SYCP2: variants seen among roughly 807,000 people sequenced by gnomAD.
SYCP2 encodes synaptonemal complex lateral element protein.
Under a neutral mutation model 211.3 loss-of-function variants are expected in SYCP2, and 55 were observed. The ratio of observed to expected loss-of-function variants is 0.26; its 90% CI spans 0.21 to 0.33. SYCP2 has a LOEUF of 0.33. Among genes scored for constraint, SYCP2 ranks in the 10% least tolerant of loss-of-function variants. The pLI, the probability that SYCP2 is intolerant of heterozygous loss-of-function variation, is 1.00. For missense variants in SYCP2, 1,731 were observed against 1,752.0 expected, an observed-to-expected ratio of 0.99 and a Z score of 0.21; for synonymous variants, 570 against 555.2, an observed-to-expected ratio of 1.03 and a Z score of -0.37.
chr20:59,869,738 G>C lies in SYCP2; in HGVS notation c.3741+60C>G, dbSNP rs923069779. 3.2e-6 allele frequency: 3 copies of C among 927,932 alleles called. No individual in the cohort carries two copies. The East Asian group carries it at 7.4e-5, about 23-fold the overall frequency. 57.5% of individuals were successfully genotyped at this position (927,932 alleles called of 1,614,324 possible). A position where few individuals can be genotyped will look rare whatever the true frequency, so the allele number is the denominator to read the frequency against. ...AATTACCACTAAAGGTCAGTAATCT[G>C]AGTCTTATAAGAACCATCTTAGTGT... On this transcript the variant is annotated intron_variant, in intron 36 of 44. Transcript: ENST00000357552.
intron 24 of SYCP2, among the ~76,000 whole-genome samples, chr20:59,887,395 C>T (rs1240083990): frequency 6.6e-6 from 1 of 152,120 alleles, no homozygotes; most frequent in African/African-American, 2.4e-5. Context: ...TCCAGTCTAT[C>T]ATTGAGGGAC....
intron 10 of SYCP2, among the ~76,000 whole-genome samples, chr20:59,914,689 AAAAT>A (rs150861326): frequency 0.034 from 5,210 of 152,060 alleles, 250 homozygotes; most frequent in African/African-American, 0.11. Flanking sequence ...AAAAGCTTAG[AAAAT>A]AAATTTTAAG....
Position 59,864,166 on chromosome 20 carries a change from C to T in SYCP2, c.*145G>A. On this transcript the variant is annotated 3_prime_UTR_variant, in exon 45 of 45. Coordinates refer to ENST00000357552, the MANE Select transcript of SYCP2 (RefSeq NM_014258.4). ...TGGTTCCCTCTCATCCATTAAAAGA[C>T]ATTTTTTTTTAATTTGAGGGTTCCT... 1.9e-6 allele frequency: 1 copy of T among 516,168 alleles called. No individual in the cohort carries two copies. Among genetic ancestry groups the T allele is most frequent in the East Asian group, 3.3e-5 (1 of 30,258 alleles). The allele number at this position is 516,168 out of a possible 1,614,324, so 32.0% of individuals were successfully genotyped here.
rs774376651 is a variant in SYCP2 at position 59,895,422 on chromosome 20, T to C, written c.1665+15A>G. ...TTGAAAAAATATTTTTAAAATACTT[T>C]CAAGGTAAAGTTACTTTGTCTATAT... On this transcript the variant is annotated intron_variant, in intron 20 of 44. Coordinates refer to ENST00000357552, the MANE Select transcript of SYCP2 (RefSeq NM_014258.4). The C allele has an allele frequency of 3.2e-6, 5 of 1,573,336 alleles. No homozygotes were observed. The highest frequency in any genetic ancestry group is 4.3e-6 in the Non-Finnish European group (5 of 1,161,686).
Position 59,881,480 on chromosome 20 carries a change from G to C in SYCP2, c.2671C>G (p.Gln891Glu), listed in dbSNP as rs1423819117. Residue 891 changes from glutamine to glutamate, a missense_variant, in exon 29 of 45, where the codon CAA (glutamine) becomes GAA (glutamate). This residue lies in a region of SYCP2 where 1,387 missense variants were observed against 1,351.3 expected (regional missense o/e 1.03). Coordinates refer to ENST00000357552, the MANE Select transcript of SYCP2 (RefSeq NM_014258.4). ...GCACAAGCTTCTTTAGCTGTAGCTT[G>C]AAACTCTTGGATCTATATTGTAAAT... The part of the protein sequence containing the change: ...PIIKLGIQEF[Q>E]ATAKEACADR... 2 of 1,525,984 alleles carry C rather than the reference G, an allele frequency of 1.3e-6. No homozygotes were observed. Among genetic ancestry groups the C allele is most frequent in the Non-Finnish European group, 1.8e-6 (2 of 1,126,612 alleles). The allele number at this position is 1,525,984 out of a possible 1,614,324, so 94.5% of individuals were successfully genotyped here.
At chr20:59,877,978 G>C (rs1311093018) in intron 32 of SYCP2, 30 bp downstream of exon 32, 2 of 1,536,248 alleles carry the variant, frequency 1.3e-6, no homozygotes, top group Admixed American at 3.7e-5. Flanking sequence ...AATTTTAAAG[G>C]GATGTTTGAA....
chr20:59,868,298 T>C (rs1357299721), intron 38 of SYCP2, 115 bp downstream of exon 38: 8 of 1,052,528 alleles, frequency 7.6e-6, no homozygotes, highest in Non-Finnish European at 1.1e-5. Flanking sequence ...GCATCATCCA[T>C]CTTGGACATA....
intron 25 of SYCP2, among the ~76,000 whole-genome samples, chr20:59,886,176 A>C (rs1013603894): frequency 2.6e-5 from 4 of 152,082 alleles, no homozygotes; most frequent in Non-Finnish European, 4.4e-5. Flanking sequence ...AATGCAGCAG[A>C]AAGTGTGAAT....
At chr20:59,915,756 G>A in intron 8 of SYCP2, 2 of 341,086 alleles carry the variant, frequency 5.9e-6, no homozygotes, top group Non-Finnish European at 5.3e-6. Flanking sequence ...CACTTTGGGA[G>A]GCCAAGGCGG....
At chr20:59,873,808 T>C in intron 35 of SYCP2, 48 bp downstream of exon 35, 2 of 1,437,234 alleles carry the variant, frequency 1.4e-6, no homozygotes, top group Non-Finnish European at 9.4e-7. Context: ...AATAACTTAC[T>C]ACCTTCAGAT....
chr20:59,893,853 G>A (rs1423562213), intron 20 of SYCP2, among the ~76,000 whole-genome samples: 1 of 151,954 alleles, frequency 6.6e-6, no homozygotes, highest in Non-Finnish European at 1.5e-5. Context: ...TAATAATTCA[G>A]TTTTCATCTG....
At chr20:59,910,948 A>C (rs1282637099) in intron 14 of SYCP2, among the ~76,000 whole-genome samples, 1 of 152,112 alleles carries the variant, frequency 6.6e-6, no homozygotes, top group African/African-American at 2.4e-5. Flanking sequence ...TAAAATAAAA[A>C]GCAATAAAGG....
At chr20:59,907,213 G>T in intron 15 of SYCP2, 151 bp downstream of exon 15, 2 of 606,076 alleles carry the variant, frequency 3.3e-6, no homozygotes, top group Non-Finnish European at 2.9e-6. Context: ...GGGAAACATG[G>T]GATCAAGGTG....
chr20:59,865,509 G>A (rs1360024646), intron 43 of SYCP2, 64 bp downstream of exon 43: 1 of 1,575,466 alleles, frequency 6.3e-7, no homozygotes. Flanking sequence ...CAAAGACAAA[G>A]TTACATTAAC....
In SYCP2 at chr20:59,873,881, GAAC is replaced by G. The variant is rs762845240; in HGVS notation, c.3527_3529del (p.Cys1176del). ...CAAAAACAGTGGTCGTGGAATTGGT[GAAC>G]AACTTTCACTTGCACACAGGAAGTT... is the stretch of plus-strand genomic sequence containing the variant. On this transcript the variant is annotated inframe_deletion, in exon 35 of 45. Coordinates refer to ENST00000357552, the MANE Select transcript of SYCP2 (RefSeq NM_014258.4). 2 of 1,611,664 alleles carry G rather than the reference GAAC, an allele frequency of 1.2e-6. No homozygotes were observed. The highest frequency in any genetic ancestry group is 1.3e-5 in the African/African-American group (1 of 74,734).
chr20:59,927,695 G>A (rs1250855223), intron 2 of SYCP2, among the ~76,000 whole-genome samples: 1 of 152,126 alleles, frequency 6.6e-6, no homozygotes, highest in African/African-American at 2.4e-5. Flanking sequence ...TAGCTTCCGT[G>A]AGAAAGACTG....
At chr20:59,878,479 G>A (rs994831835) in intron 31 of SYCP2, among the ~76,000 whole-genome samples, 1 of 152,024 alleles carries the variant, frequency 6.6e-6, no homozygotes, top group Non-Finnish European at 1.5e-5. Context: ...AAACATATAA[G>A]AGAATATGTC....
In SYCP2 at chr20:59,875,296, A is replaced by T. The variant is rs752972210; in HGVS notation, c.3324T>A (p.Ser1108Arg). ...ATCTCGTTACTTCTATAGATGATGGACTGCCAGATAAAGATCTGGGAGATA... is the reference window on the plus strand; with the variant it reads ...ATCTCGTTACTTCTATAGATGATGGTCTGCCAGATAAAGATCTGGGAGATA... ...LDLSPRSLSG[S>R]PSSIEVTRCI... Residue 1108 changes from serine (S) to arginine (R), a missense_variant, in exon 34 of 45, where the codon AGT becomes AGA. Coordinates refer to ENST00000357552, the MANE Select transcript of SYCP2 (RefSeq NM_014258.4). The T allele has an allele frequency of 7.4e-5, 119 of 1,609,742 alleles. No homozygotes were observed. The highest frequency in any genetic ancestry group is 9.6e-5 in the Non-Finnish European group (113 of 1,177,632).
chr20:59,900,772 T>C lies in SYCP2; in HGVS notation c.1229A>G (p.His410Arg), dbSNP rs2060100619. ...QGISVAKTSL[H>R]ILFDASGSQI... Reference sequence around the variant, plus strand: ...TGATCCACTTGCGTCAAAAAGTATATGCAGCGACGTTTTGGCAACTGAAAT... The same window carrying C: ...TGATCCACTTGCGTCAAAAAGTATACGCAGCGACGTTTTGGCAACTGAAAT... The change falls in exon 17 of 45, where the codon CAT becomes CGT. Residue 410 changes from histidine to arginine, a missense_variant. Around this residue, in one of 3 missense-constraint regions of SYCP2, gnomAD observed 1,387 missense variants for 1,351.3 expected, o/e 1.03. Coordinates refer to ENST00000357552, the MANE Select transcript of SYCP2 (RefSeq NM_014258.4). 1.9e-6 allele frequency: 3 copies of C among 1,612,994 alleles called. No individual in the cohort carries two copies. Among genetic ancestry groups the C allele is most frequent in the Non-Finnish European group, 1.7e-6 (2 of 1,179,308 alleles).
Sources: allele counts gnomAD v4.1 joint callset (sites outside exome capture counted in the v4.1 genomes callset), GRCh38; gene constraint gnomAD v4.1.1; regional missense constraint gnomAD v4.1.1; transcripts MANE v1.5; gene names NCBI Gene and HGNC (gene_info 2026-07-23, HGNC 2026-07-21).